Variants in INSL6 observed in about 807,000 individuals in gnomAD.
The protein encoded by INSL6 is insulin like 6.
Under a neutral mutation model 9.4 loss-of-function variants are expected in INSL6, and 16 were observed. That is an observed-to-expected ratio of 1.70 (90% CI 1.15 to 2.59). The LOEUF is 2.59. Ranked by LOEUF, INSL6 falls within the 30% of genes most tolerant of loss-of-function variation. The probability of loss-of-function intolerance (pLI) is 0.00; values close to 1 mark genes in which losing one functional copy is unlikely to be tolerated. For missense variants in INSL6, 391 were observed against 257.3 expected (o/e 1.52, Z -3.56); for synonymous variants, 154 against 96.9 (o/e 1.59, Z -3.46).
the INSL6 span, chr9:5,070,126 T>C: frequency 2.7e-5 from 29 of 1,058,780 alleles, no homozygotes; most frequent in African/African-American, 3.7e-4. Context: ...TTTACATTCA[T>C]GTGACATTGG....
At chr9:5,119,851 TTTA>T (rs1430669336), downstream of INSL6, among the ~76,000 whole-genome samples, 3 of 152,330 alleles carry the variant, frequency 2.0e-5, no homozygotes, top group East Asian at 3.9e-4. Flanking sequence ...AGCATATAGT[TTTA>T]TTTTTATATT....
the INSL6 span, among the ~76,000 whole-genome samples, chr9:5,070,354 A>C: frequency 6.6e-6 from 1 of 152,094 alleles, no homozygotes; most frequent in African/African-American, 2.4e-5. Flanking sequence ...CAAGTTCTCA[A>C]GAAAGTAAGG....
intron 2 of INSL6, among the ~76,000 whole-genome samples, chr9:5,155,775 G>T (rs537869390): frequency 2.6e-5 from 4 of 151,516 alleles, no homozygotes; most frequent in Non-Finnish European, 5.9e-5. Flanking sequence ...GTTTGGGGGT[G>T]GGGGGATAGG....
downstream of INSL6, among the ~76,000 whole-genome samples, chr9:5,122,046 G>A (rs1199928556): frequency 6.6e-6 from 1 of 152,162 alleles, no homozygotes; most frequent in Non-Finnish European, 1.5e-5. Flanking sequence ...TAATTACGTA[G>A]TATGGACTGC....
chr9:5,175,530 A>C (rs1825280209), intron 1 of INSL6, among the ~76,000 whole-genome samples: 1 of 152,178 alleles, frequency 6.6e-6, no homozygotes, highest in Admixed American at 6.5e-5. Flanking sequence ...GGGGTCCCCA[A>C]CCACTGGGGA....
the INSL6 span, among the ~76,000 whole-genome samples, chr9:5,026,880 C>T: frequency 6.6e-6 from 1 of 152,152 alleles, no homozygotes; most frequent in Non-Finnish European, 1.5e-5. Context: ...TATGCACTCA[C>T]ATTTTAAGTT....
the INSL6 span, chr9:5,050,748 A>C: frequency 6.2e-7 from 1 of 1,613,530 alleles, no homozygotes; most frequent in South Asian, 1.1e-5. Flanking sequence ...CACAGGAAGA[A>C]TGTCTTGGGA....
the INSL6 span, chr9:5,073,810 A>C: frequency 7.0e-7 from 1 of 1,419,626 alleles, no homozygotes; most frequent in South Asian, 1.2e-5. Context: ...AGGCTTTCTA[A>C]TGCCTTTCTC....
rs925150991 is a variant in INSL6, at chr9:5,175,876, T to C, written c.289+9438A>G. Among the ~76,000 whole-genome samples, 4 of 152,160 alleles carry C rather than the reference T, an allele frequency of 2.6e-5. No homozygotes were observed. In the East Asian group the frequency reaches 7.7e-4, roughly 29 times the overall value. On this transcript the variant is annotated intron_variant, in intron 1 of 1. Coordinates refer to ENST00000381641, the MANE Select transcript of INSL6 (RefSeq NM_007179.3). ...CCCACTGATTCTACATTATGGTAAATTGTATAATTATTTCATTAAACATTA... is the reference window on the plus strand; with the variant it reads ...CCCACTGATTCTACATTATGGTAAACTGTATAATTATTTCATTAAACATTA...
At chr9:5,037,175 T>C in the INSL6 span, among the ~76,000 whole-genome samples, 3 of 152,110 alleles carry the variant, frequency 2.0e-5, no homozygotes, top group East Asian at 3.9e-4. Flanking sequence ...TCACACCAGT[T>C]AGAATGGCGA....
the INSL6 span, among the ~76,000 whole-genome samples, chr9:5,067,242 C>T: frequency 1.3e-5 from 2 of 152,108 alleles, no homozygotes; most frequent in Non-Finnish European, 2.9e-5. Flanking sequence ...CATTAAAGCA[C>T]TTTTAACTGA....
At chr9:5,072,494 T>A in the INSL6 span, 1 of 1,558,026 alleles carries the variant, frequency 6.4e-7, no homozygotes, top group South Asian at 1.2e-5. Context: ...TCTTGAAGAA[T>A]GAAAGCCTTG....
exon 4 of INSL6, among the ~76,000 whole-genome samples, chr9:5,124,359 C>T (rs1392220822): frequency 6.6e-6 from 1 of 151,538 alleles, no homozygotes; most frequent in Non-Finnish European, 1.5e-5. Flanking sequence ...ACATTTAAGT[C>T]TGTAATCGAT....
chr9:5,147,524 G>A (rs1824624006), intron 2 of INSL6, among the ~76,000 whole-genome samples: 1 of 152,172 alleles, frequency 6.6e-6, no homozygotes, highest in African/African-American at 2.4e-5. Context: ...GCCCAGGCCT[G>A]GAAGACTGCC....
At chr9:5,014,981 A>G in the INSL6 span, among the ~76,000 whole-genome samples, 3 of 152,078 alleles carry the variant, frequency 2.0e-5, no homozygotes, top group Admixed American at 2.0e-4. Flanking sequence ...TGCCTAAACA[A>G]TGTACTATTC....
downstream of INSL6, among the ~76,000 whole-genome samples, chr9:5,121,117 T>C (rs949779822): frequency 3.9e-5 from 6 of 152,182 alleles, no homozygotes; most frequent in Admixed American, 6.6e-5. Context: ...ATAGTAGTAG[T>C]AGTGTTGGGA....
chr9:5,007,330 C>T, the INSL6 span, among the ~76,000 whole-genome samples: 1 of 151,892 alleles, frequency 6.6e-6, no homozygotes, highest in African/African-American at 2.4e-5. Flanking sequence ...TTCTTTGTAC[C>T]ATGGGTTCTA....
chr9:5,124,844 T>G (rs1210861575), intron 3 of INSL6, among the ~76,000 whole-genome samples: 1 of 151,538 alleles, frequency 6.6e-6, no homozygotes, highest in South Asian at 2.1e-4. Flanking sequence ...ATCCAAAGAA[T>G]AGTAAGCCTA....
At chr9:5,089,692 G>C in the INSL6 span, 4 of 1,415,058 alleles carry the variant, frequency 2.8e-6, no homozygotes, top group Non-Finnish European at 3.7e-6. Context: ...TGGGAGTGTG[G>C]AGATGTGCCG....
Sources: allele counts gnomAD v4.1 joint callset (sites outside exome capture counted in the v4.1 genomes callset), GRCh38; gene constraint gnomAD v4.1.1; transcripts MANE v1.5; gene names NCBI Gene and HGNC (gene_info 2026-07-23, HGNC 2026-07-21).